Variants in PDLIM5 observed in about 807,000 individuals in gnomAD.
PDLIM5 encodes the protein PDZ and LIM domain protein 5.
A neutral mutation model predicts 64.2 loss-of-function variants in PDLIM5; 34 were observed. The observed-to-expected ratio is 0.53, with a 90% CI of 0.40 to 0.71. PDLIM5 has a LOEUF of 0.71. Among genes scored for constraint, PDLIM5 ranks in the 30% least tolerant of loss-of-function variants. The probability of loss-of-function intolerance (pLI) is 0.00; values close to 1 mark genes in which losing one functional copy is unlikely to be tolerated. For missense variants in PDLIM5, 683 were observed against 733.6 expected, an observed-to-expected ratio of 0.93 and a Z score of 0.80; for synonymous variants, 253 against 269.1, an observed-to-expected ratio of 0.94 and a Z score of 0.59.
intron 3 of PDLIM5, among the ~76,000 whole-genome samples, chr4:94,565,299 G>A (rs765827095): frequency 4.6e-5 from 7 of 152,122 alleles, no homozygotes; most frequent in Non-Finnish European, 8.8e-5. Flanking sequence ...AGCTGAACAC[G>A]ATAAAAAATG....
chr4:94,636,046 G>C (rs1740533112), intron 8 of PDLIM5, among the ~76,000 whole-genome samples: 1 of 152,176 alleles, frequency 6.6e-6, no homozygotes. Flanking sequence ...GTAGAACTTA[G>C]AGCCTTTTTA....
chr4:94,605,451 A>G (rs192690570), intron 7 of PDLIM5, among the ~76,000 whole-genome samples: 9 of 152,352 alleles, frequency 5.9e-5, no homozygotes, highest in Non-Finnish European at 1.3e-4. Flanking sequence ...GGAAGTCTTC[A>G]TAACCCTCTC....
At chr4:94,615,424 T>C (rs1464303994) in intron 7 of PDLIM5, among the ~76,000 whole-genome samples, 1 of 150,000 alleles carries the variant, frequency 6.7e-6, no homozygotes, top group Non-Finnish European at 1.5e-5. Flanking sequence ...GCATGATGCG[T>C]TATTATATTT....
chr4:94,606,633 C>CA (rs1578459969), intron 7 of PDLIM5, among the ~76,000 whole-genome samples: 1 of 152,182 alleles, frequency 6.6e-6, no homozygotes, highest in East Asian at 1.9e-4. Context: ...AAGGTCTAAG[C>CA]AACAGACATG....
chr4:94,586,912 G>A, intron 7 of PDLIM5: 2 of 1,290,806 alleles, frequency 1.5e-6, no homozygotes. Flanking sequence ...GATGGAATTA[G>A]TCTAGAACCT....
intron 7 of PDLIM5, among the ~76,000 whole-genome samples, chr4:94,589,192 A>G (rs925136890): frequency 6.6e-6 from 1 of 152,214 alleles, no homozygotes; most frequent in African/African-American, 2.4e-5. Context: ...TAAACATGGT[A>G]TTTTCCACCA....
At chr4:94,522,662 T>C (rs1729934929) in intron 2 of PDLIM5, among the ~76,000 whole-genome samples, 1 of 152,214 alleles carries the variant, frequency 6.6e-6, no homozygotes. Flanking sequence ...TTAAAATGTA[T>C]AATTCAGTTG....
intron 2 of PDLIM5, among the ~76,000 whole-genome samples, chr4:94,492,524 T>G (rs1236233641): frequency 1.3e-5 from 2 of 152,192 alleles, no homozygotes; most frequent in Non-Finnish European, 2.9e-5. Context: ...AAGAGGAAAC[T>G]TGGTACCCAT....
intron 2 of PDLIM5, among the ~76,000 whole-genome samples, chr4:94,486,811 G>A (rs1473092375): frequency 6.6e-6 from 1 of 152,086 alleles, no homozygotes; most frequent in Non-Finnish European, 1.5e-5. Context: ...AGACCAGCCT[G>A]GTCAACAGAG....
intron 2 of PDLIM5, among the ~76,000 whole-genome samples, chr4:94,496,057 C>CA (rs34317766): frequency 0.18 from 25,042 of 142,508 alleles, 3,658 homozygotes; most frequent in African/African-American, 0.41. Context: ...ACATTTCTAG[C>CA]AAAAAAAAAA....
At chr4:94,490,596 T>G (rs975164017) in intron 2 of PDLIM5, among the ~76,000 whole-genome samples, 3 of 152,150 alleles carry the variant, frequency 2.0e-5, no homozygotes, top group African/African-American at 4.8e-5. Flanking sequence ...TAGTTTCTTA[T>G]TTATTATCCT....
intron 11 of PDLIM5, 107 bp downstream of exon 11, chr4:94,657,654 A>T: frequency 2.4e-6 from 2 of 818,430 alleles, no homozygotes; most frequent in South Asian, 4.5e-5. Flanking sequence ...TATTTTCTTA[A>T]TTGTTTTGGA....
intron 2 of PDLIM5, among the ~76,000 whole-genome samples, chr4:94,508,169 T>A (rs1578273566): frequency 6.6e-6 from 1 of 152,242 alleles, no homozygotes; most frequent in Middle Eastern, 3.4e-3. Context: ...CTGTTTTTTG[T>A]GATTGTGCAT....
intron 2 of PDLIM5, among the ~76,000 whole-genome samples, chr4:94,478,053 C>T (rs966488020): frequency 2.6e-5 from 4 of 152,010 alleles, no homozygotes; most frequent in East Asian, 3.9e-4. Flanking sequence ...GTCAGGAGTT[C>T]GAGACCAGCC....
chr4:94,515,194 C>G (rs1016075526), intron 2 of PDLIM5, among the ~76,000 whole-genome samples: 3 of 152,054 alleles, frequency 2.0e-5, no homozygotes, highest in Admixed American at 2.0e-4. Flanking sequence ...GTTGGGTACA[C>G]ATGTGAAAAG....
At chr4:94,657,284 A>G in intron 10 of PDLIM5, 143 bp from the exon 11 acceptor site, 2 of 570,346 alleles carry the variant, frequency 3.5e-6, no homozygotes, top group Non-Finnish European at 3.2e-6. Context: ...TGTTACTTTG[A>G]GGGAAAGCTC....
chr4:94,666,157 C>T lies in PDLIM5; in HGVS notation c.*2090C>T. The T allele has an allele frequency of 1.4e-6, 1 of 694,100 alleles. No homozygotes were observed. Among genetic ancestry groups the T allele is most frequent in the East Asian group, 2.9e-5 (1 of 35,044 alleles). 43.0% of individuals were successfully genotyped at this position (694,100 alleles called of 1,614,324 possible). On this transcript the variant is annotated 3_prime_UTR_variant, in exon 13 of 13. Coordinates refer to ENST00000317968, the MANE Select transcript of PDLIM5 (RefSeq NM_006457.5). Reference sequence around the variant, plus strand: ...CTTACGACATCACTTCCATTGTGTGCATGTTTGTTATAGAGGAGGTTTTAG... The same window carrying T: ...CTTACGACATCACTTCCATTGTGTGTATGTTTGTTATAGAGGAGGTTTTAG...
intron 7 of PDLIM5, chr4:94,610,951 T>C (rs1738313978): frequency 1.5e-6 from 1 of 688,850 alleles, no homozygotes; most frequent in Non-Finnish European, 2.4e-6. Context: ...TCCTTCTTCC[T>C]CTCTCTCCCC....
intron 3 of PDLIM5, among the ~76,000 whole-genome samples, chr4:94,532,939 G>A (rs990063698): frequency 6.6e-6 from 1 of 152,162 alleles, no homozygotes; most frequent in Admixed American, 6.5e-5. Flanking sequence ...GGAGGCAGAG[G>A]TTGCAGTGAG....
Sources: gnomAD v4.1 joint callset for allele counts (sites outside exome capture counted in the v4.1 genomes callset) on GRCh38, gnomAD v4.1.1 for gene constraint, MANE v1.5 for transcripts, NCBI Gene and HGNC (gene_info 2026-07-23, HGNC 2026-07-21) for gene names.